FAF1: variants seen among roughly 807,000 people sequenced by gnomAD.
FAF1 encodes the protein Fas associated factor 1, also known as FAS-associated factor 1.
Under a neutral mutation model 92.5 loss-of-function variants are expected in FAF1, and 25 were observed. That is an observed-to-expected ratio of 0.27 (90% CI 0.20 to 0.38). The LOEUF (loss-of-function observed/expected upper bound fraction) is 0.38. Ranked by LOEUF, FAF1 falls within the 10% of genes least tolerant of loss-of-function variation. FAF1 has a pLI of 1.00. For missense variants in FAF1, 636 were observed against 793.3 expected, an observed-to-expected ratio of 0.80 and a Z score of 2.38; for synonymous variants, 234 against 273.2, an observed-to-expected ratio of 0.86 and a Z score of 1.42.
intron 9 of FAF1, among the ~76,000 whole-genome samples, chr1:50,589,595 G>A (rs1572853487): frequency 6.6e-6 from 1 of 152,302 alleles, no homozygotes; most frequent in South Asian, 2.1e-4. Flanking sequence ...TCAGATGTAT[G>A]ATTTGCAAAT....
chr1:50,787,784 T>C (rs1326356733), intron 4 of FAF1, among the ~76,000 whole-genome samples: 1 of 152,216 alleles, frequency 6.6e-6, no homozygotes, highest in African/African-American at 2.4e-5. Flanking sequence ...TATACCATTC[T>C]ACTTGCATGG....
intron 18 of FAF1, among the ~76,000 whole-genome samples, chr1:50,457,201 C>A (rs1646363516): frequency 6.6e-6 from 1 of 150,992 alleles, no homozygotes; most frequent in African/African-American, 2.4e-5. Flanking sequence ...GTTTGGGATT[C>A]AGCCAAACCT....
intron 6 of FAF1, among the ~76,000 whole-genome samples, chr1:50,710,613 T>G (rs1209562944): frequency 6.6e-6 from 1 of 152,132 alleles, no homozygotes; most frequent in Admixed American, 6.5e-5. Context: ...AAACCCTTTT[T>G]TTTTTTCGAG....
chr1:50,513,540 A>G (rs1393424650), intron 15 of FAF1, among the ~76,000 whole-genome samples: 1 of 152,174 alleles, frequency 6.6e-6, no homozygotes, highest in Non-Finnish European at 1.5e-5. Context: ...TTGTGGTTCC[A>G]TTCTGCAAAA....
intron 4 of FAF1, among the ~76,000 whole-genome samples, chr1:50,751,724 T>C (rs1659877115): frequency 1.3e-5 from 2 of 152,354 alleles, no homozygotes; most frequent in South Asian, 2.1e-4. Context: ...TATTATATTT[T>C]ACTGAATTCA....
At chr1:50,511,238 T>C (rs1647130069) in intron 15 of FAF1, among the ~76,000 whole-genome samples, 1 of 152,182 alleles carries the variant, frequency 6.6e-6, no homozygotes, top group Non-Finnish European at 1.5e-5. Flanking sequence ...CTTTTAATTA[T>C]TTTTATACTT....
At chr1:50,855,223 CA>C (rs1644381562) in intron 2 of FAF1, among the ~76,000 whole-genome samples, 1 of 151,802 alleles carries the variant, frequency 6.6e-6, no homozygotes, top group Non-Finnish European at 1.5e-5. Flanking sequence ...GCACAATTCT[CA>C]AAGTTAGAGA....
chr1:50,662,318 AT>A (rs1655409358), intron 7 of FAF1, among the ~76,000 whole-genome samples: 1 of 152,218 alleles, frequency 6.6e-6, no homozygotes, highest in South Asian at 2.1e-4. Flanking sequence ...TTGCCTCTAA[AT>A]GAATTCTTCA....
chr1:50,656,468 G>A (rs1242564587), intron 7 of FAF1, among the ~76,000 whole-genome samples: 2 of 151,962 alleles, frequency 1.3e-5, no homozygotes, highest in African/African-American at 2.4e-5. Flanking sequence ...TACAAAAAAT[G>A]CATTAAAGAT....
intron 4 of FAF1, among the ~76,000 whole-genome samples, chr1:50,749,271 A>G (rs1403211349): frequency 6.6e-6 from 1 of 152,202 alleles, no homozygotes; most frequent in East Asian, 1.9e-4. Context: ...CCAATCTCCA[A>G]GACCTGACAC....
intron 1 of FAF1, among the ~76,000 whole-genome samples, chr1:50,874,423 G>A (rs1280247480): frequency 6.6e-6 from 1 of 152,096 alleles, no homozygotes; most frequent in Non-Finnish European, 1.5e-5. Context: ...GTATAGTAGT[G>A]TGATCACAGC....
intron 18 of FAF1, among the ~76,000 whole-genome samples, chr1:50,472,210 C>T (rs961480844): frequency 2.7e-4 from 41 of 152,102 alleles, no homozygotes; most frequent in African/African-American, 9.2e-4. Context: ...CATTACTCAG[C>T]TTTTAGGACT....
chr1:50,594,514 G>GA (rs1393511020), intron 9 of FAF1, among the ~76,000 whole-genome samples: 1 of 150,450 alleles, frequency 6.6e-6, no homozygotes, highest in Non-Finnish European at 1.5e-5. Context: ...AGTTGGGCAT[G>GA]AAAGTGCTGT....
intron 7 of FAF1, among the ~76,000 whole-genome samples, chr1:50,665,649 G>A (rs1339537954): frequency 1.3e-5 from 2 of 152,118 alleles, no homozygotes; most frequent in African/African-American, 4.8e-5. Flanking sequence ...TACCAAGATA[G>A]CAGAGTTGAG....
intron 4 of FAF1, among the ~76,000 whole-genome samples, chr1:50,752,794 C>T (rs978096851): frequency 1.3e-5 from 2 of 151,928 alleles, no homozygotes; most frequent in African/African-American, 2.4e-5. Context: ...GTGATTCTCC[C>T]GCCTCAGCCT....
At chr1:50,739,114 C>T (rs1659259345) in intron 5 of FAF1, among the ~76,000 whole-genome samples, 160 bp from the exon 6 acceptor site, 2 of 151,658 alleles carry the variant, frequency 1.3e-5, no homozygotes, top group South Asian at 4.2e-4. Flanking sequence ...ATCCAAGTAA[C>T]CTTATTGCCC....
At chr1:50,815,675 A>C (rs1217526402) in intron 2 of FAF1, among the ~76,000 whole-genome samples, 1 of 152,200 alleles carries the variant, frequency 6.6e-6, no homozygotes, top group African/African-American at 2.4e-5. Flanking sequence ...ACAGGGTATA[A>C]GTGTTTCCTT....
intron 2 of FAF1, among the ~76,000 whole-genome samples, chr1:50,827,457 C>T (rs567050425): frequency 6.6e-6 from 1 of 152,090 alleles, no homozygotes; most frequent in Non-Finnish European, 1.5e-5. Flanking sequence ...CATCACCACT[C>T]CCTAATCTCA....
chr1:50,918,239 T>C (rs566052048), intron 1 of FAF1, among the ~76,000 whole-genome samples: 2,611 of 143,024 alleles, frequency 0.018, 36 homozygotes, highest in Non-Finnish European at 0.029. Flanking sequence ...ATGTGCACAT[T>C]GTGCAGGTTA....
Sources: gnomAD v4.1 joint callset for allele counts (sites outside exome capture counted in the v4.1 genomes callset) on GRCh38, gnomAD v4.1.1 for gene constraint, MANE v1.5 for transcripts, NCBI Gene and HGNC (gene_info 2026-07-23, HGNC 2026-07-21) for gene names.